Variants in ATP10A observed in about 807,000 individuals in gnomAD.
ATP10A encodes the protein ATPase phospholipid transporting 10A (putative).
Under a neutral mutation model 147.8 loss-of-function variants are expected in ATP10A, and 111 were observed. The observed-to-expected ratio is 0.75, with a 90% CI of 0.64 to 0.88. The LOEUF (loss-of-function observed/expected upper bound fraction) is 0.88, where lower values mean the gene tolerates loss of function less well. ATP10A is among the 40% of genes least tolerant of loss of function. The probability of loss-of-function intolerance (pLI) is 0.00; values close to 1 mark genes in which losing one functional copy is unlikely to be tolerated. For synonymous variants in ATP10A, 875 were observed against 841.6 expected (o/e 1.04, Z -0.69); for missense variants, 1,927 against 1,959.0 (o/e 0.98, Z 0.31).
chr15:25,727,009 A>G, intron 4 of ATP10A, 151 bp downstream of exon 4: 2 of 551,390 alleles, frequency 3.6e-6, no homozygotes, highest in Non-Finnish European at 6.3e-6. Flanking sequence ...GTGAGCCGAG[A>G]TCGCGCCACT....
chr15:25,806,997 G>A (rs1432095903), intron 1 of ATP10A, among the ~76,000 whole-genome samples: 2 of 152,154 alleles, frequency 1.3e-5, no homozygotes, highest in African/African-American at 2.4e-5. Flanking sequence ...CCACTCACAC[G>A]TGTGTTTCCA....
chr15:25,686,051 G>A (rs1899696447), intron 16 of ATP10A, among the ~76,000 whole-genome samples: 1 of 152,146 alleles, frequency 6.6e-6, no homozygotes, highest in Non-Finnish European at 1.5e-5. Flanking sequence ...GGCAAGCCCA[G>A]GAGTGGTGTG....
intron 12 of ATP10A, among the ~76,000 whole-genome samples, chr15:25,705,344 G>C (rs1900912941): frequency 6.6e-6 from 1 of 151,496 alleles, no homozygotes; most frequent in African/African-American, 2.4e-5. Flanking sequence ...GCTGAGGCGG[G>C]AGGATCACTA....
At chr15:25,698,953 A>T (rs1435522969) in intron 13 of ATP10A, among the ~76,000 whole-genome samples, 1 of 152,192 alleles carries the variant, frequency 6.6e-6, no homozygotes, top group Non-Finnish European at 1.5e-5. Context: ...AAGAAGACCT[A>T]AAAAATGTAG....
chr15:25,814,566 C>T (rs1300479887), intron 1 of ATP10A, among the ~76,000 whole-genome samples: 1 of 152,210 alleles, frequency 6.6e-6, no homozygotes, highest in African/African-American at 2.4e-5. Flanking sequence ...TCCGTGATGA[C>T]AGGAACCTCA....
At chr15:25,818,844 C>T (rs557281041) in intron 1 of ATP10A, among the ~76,000 whole-genome samples, 1 of 152,232 alleles carries the variant, frequency 6.6e-6, no homozygotes, top group East Asian at 1.9e-4. Flanking sequence ...AAAAAGGACA[C>T]CCTTTTCAAT....
chr15:25,773,345 C>T (rs147651474), intron 2 of ATP10A, among the ~76,000 whole-genome samples: 8 of 152,258 alleles, frequency 5.3e-5, no homozygotes, highest in South Asian at 2.1e-4. Flanking sequence ...CCAATGTCTG[C>T]GGAGGTGCTC....
chr15:25,712,976 C>T (rs1311559063), intron 10 of ATP10A, among the ~76,000 whole-genome samples: 1 of 152,174 alleles, frequency 6.6e-6, no homozygotes, highest in Non-Finnish European at 1.5e-5. Context: ...CAACTCGGAG[C>T]TCCAGAAGGG....
chr15:25,793,622 CGGATGAGT>C (rs1282440718), intron 1 of ATP10A, among the ~76,000 whole-genome samples: 1 of 152,210 alleles, frequency 6.6e-6, no homozygotes, highest in African/African-American at 2.4e-5. Flanking sequence ...CAGGACCCTG[CGGATGAGT>C]GGTTACTATT....
rs751938420 is a variant in ATP10A, at chr15:25,716,854, G to T, written c.1652C>A (p.Ala551Glu). ...VSECDKSLAV[A>E]RHQEHLLAHL... ...GGCCAGCAGGTGCTCCTGATGCCTCGCCACGGCTAGGCTCTTGTCACACTC... is the reference window on the plus strand; with the variant it reads ...GGCCAGCAGGTGCTCCTGATGCCTCTCCACGGCTAGGCTCTTGTCACACTC... The change falls in exon 9 of 21, where the codon GCG (alanine) becomes GAG (glutamate). Residue 551 changes from alanine (A) to glutamate (E), a missense_variant. By Grantham distance (107) the Ala-to-Glu change is moderately radical. Transcript: ENST00000555815. 5 of 1,610,282 alleles carry T rather than the reference G, an allele frequency of 3.1e-6. No homozygotes were observed. The highest frequency in any genetic ancestry group is 4.2e-6 in the Non-Finnish European group (5 of 1,178,460).
In ATP10A at chr15:25,832,898, G is replaced by A. The variant is rs911060355; in HGVS notation, c.449+29750C>T. 7.4e-4 allele frequency among the ~76,000 whole-genome samples: 112 copies of A among 151,678 alleles called. 2 individuals are homozygous for A. Among genetic ancestry groups the A allele is most frequent in the African/African-American group, 2.3e-3 (95 of 41,348 alleles). On this transcript the variant is annotated intron_variant, in intron 1 of 20. Transcript: ENST00000555815. ...TATCACAATTTGATCATTACAAACC[G>A]TATACATAGGCAATATCACTCTGTG...
At chr15:25,834,126 ACAT>A in intron 1 of ATP10A, among the ~76,000 whole-genome samples, 1 of 152,326 alleles carries the variant, frequency 6.6e-6, no homozygotes, top group South Asian at 2.1e-4. Flanking sequence ...ATATTTCAAA[ACAT>A]CATGTTTTAC....
chr15:25,824,559 G>GT (rs61050447), intron 1 of ATP10A, among the ~76,000 whole-genome samples: 2,866 of 120,144 alleles, frequency 0.024, 90 homozygotes, highest in East Asian at 0.12. Context: ...TTTTGTGTGT[G>GT]TTTTTTTTTT....
chr15:25,760,247 A>C (rs995389259), intron 2 of ATP10A, among the ~76,000 whole-genome samples: 1 of 152,234 alleles, frequency 6.6e-6, no homozygotes, highest in Non-Finnish European at 1.5e-5. Flanking sequence ...CGAATATTTT[A>C]AATTATATGG....
chr15:25,848,288 GTTTTA>G (rs891462667), intron 1 of ATP10A, among the ~76,000 whole-genome samples: 9 of 152,098 alleles, frequency 5.9e-5, no homozygotes, highest in Admixed American at 2.6e-4. Flanking sequence ...AATTTGGGGA[GTTTTA>G]TTTTATTTAT....
At chr15:25,819,773 G>C (rs1286908670) in intron 1 of ATP10A, among the ~76,000 whole-genome samples, 1 of 152,150 alleles carries the variant, frequency 6.6e-6, no homozygotes, top group Admixed American at 6.5e-5. Context: ...GTCTTTTGCA[G>C]TGACATAAAT....
chr15:25,676,703 A>G (rs1351043270), downstream of ATP10A, among the ~76,000 whole-genome samples: 1 of 151,542 alleles, frequency 6.6e-6, no homozygotes, highest in East Asian at 1.9e-4. Context: ...TTATGGCCTG[A>G]AGTCTATGTT....
chr15:25,695,203 C>T (rs1186745873), intron 13 of ATP10A, 57 bp from the exon 14 acceptor site: 1 of 1,505,236 alleles, frequency 6.6e-7, no homozygotes, highest in African/African-American at 1.4e-5. Context: ...ACAAACATCC[C>T]CGCCCTGGCT....
At chr15:25,733,323 T>A (rs1379906476) in intron 3 of ATP10A, among the ~76,000 whole-genome samples, 1 of 152,144 alleles carries the variant, frequency 6.6e-6, no homozygotes, top group Non-Finnish European at 1.5e-5. Flanking sequence ...AGGACTGGTA[T>A]GGGGTTAAGA....
Sources: gnomAD v4.1 joint callset for allele counts (sites outside exome capture counted in the v4.1 genomes callset) on GRCh38, gnomAD v4.1.1 for gene constraint, MANE v1.5 for transcripts, NCBI Gene and HGNC (gene_info 2026-07-23, HGNC 2026-07-21) for gene names.